The following HS6ST3 variants were observed in gnomAD, a reference collection of about 807,000 sequenced individuals.
HS6ST3 encodes the protein heparan-sulfate 6-O-sulfotransferase 3.
Under a neutral mutation model 36.7 loss-of-function variants are expected in HS6ST3, and 12 were observed. The ratio of observed to expected loss-of-function variants is 0.33; its 90% CI spans 0.21 to 0.53. The LOEUF (loss-of-function observed/expected upper bound fraction) is 0.53, where lower values mean the gene tolerates loss of function less well. Among genes scored for constraint, HS6ST3 ranks in the 20% least tolerant of loss-of-function variants. The probability of loss-of-function intolerance (pLI) is 0.95; values close to 1 mark genes in which losing one functional copy is unlikely to be tolerated. For missense variants in HS6ST3, 584 were observed against 640.9 expected (o/e 0.91, Z 0.96); for synonymous variants, 240 against 257.5 (o/e 0.93, Z 0.65).
intron 1 of HS6ST3, among the ~76,000 whole-genome samples, chr13:96,417,588 ATATG>A (rs2055539901): frequency 2.5e-5 from 2 of 79,956 alleles, no homozygotes; most frequent in African/African-American, 4.8e-5. Flanking sequence ...TAGCATATAT[ATATG>A]TGTGTGTGTG....
chr13:96,370,407 T>A (rs1836191693), intron 1 of HS6ST3, among the ~76,000 whole-genome samples: 1 of 152,150 alleles, frequency 6.6e-6, no homozygotes, highest in Non-Finnish European at 1.5e-5. Flanking sequence ...ATTTTGTATG[T>A]AAAAATTTTT....
chr13:96,633,389 C>G (rs2056538495), intron 1 of HS6ST3, among the ~76,000 whole-genome samples: 1 of 152,066 alleles, frequency 6.6e-6, no homozygotes, highest in Non-Finnish European at 1.5e-5. Context: ...TTCTTGAGCA[C>G]TGATTAAGTG....
chr13:96,305,351 G>A (rs1309715938), intron 1 of HS6ST3, among the ~76,000 whole-genome samples: 1 of 151,758 alleles, frequency 6.6e-6, no homozygotes, highest in Non-Finnish European at 1.5e-5. Context: ...TTCTTTGATA[G>A]GCAATAAAGT....
intron 1 of HS6ST3, among the ~76,000 whole-genome samples, chr13:96,402,110 G>A (rs1434997546): frequency 6.6e-6 from 1 of 152,132 alleles, no homozygotes; most frequent in East Asian, 1.9e-4. Context: ...AGTAGCCGAG[G>A]TTACAGGCAT....
At chr13:96,311,727 A>G (rs1436582048) in intron 1 of HS6ST3, among the ~76,000 whole-genome samples, 1 of 152,166 alleles carries the variant, frequency 6.6e-6, no homozygotes, top group Non-Finnish European at 1.5e-5. Context: ...GTTCGGAGTA[A>G]TTGATTCAGA....
chr13:96,264,214 A>G (rs937859858), intron 1 of HS6ST3, among the ~76,000 whole-genome samples: 1 of 152,244 alleles, frequency 6.6e-6, no homozygotes, highest in Non-Finnish European at 1.5e-5. Flanking sequence ...TTCCATGTTT[A>G]TGCAGGTATC....
intron 1 of HS6ST3, among the ~76,000 whole-genome samples, chr13:96,419,473 TGATA>T (rs1479966852): frequency 3.9e-5 from 6 of 152,186 alleles, no homozygotes; most frequent in Admixed American, 1.3e-4. Context: ...GATGTTTTGA[TGATA>T]GATAGATAAA....
chr13:96,652,637 A>G (rs2056611458), intron 1 of HS6ST3, among the ~76,000 whole-genome samples: 1 of 152,124 alleles, frequency 6.6e-6, no homozygotes, highest in African/African-American at 2.4e-5. Context: ...TTGATTGTAC[A>G]GTGCATCAGA....
intron 1 of HS6ST3, among the ~76,000 whole-genome samples, chr13:96,661,975 G>A (rs1175460398): frequency 2.0e-5 from 3 of 152,056 alleles, no homozygotes; most frequent in Admixed American, 1.3e-4. Context: ...TTTTATGACT[G>A]GTGGTATTTC....
At chr13:96,608,988 GA>G (rs1244756672) in intron 1 of HS6ST3, among the ~76,000 whole-genome samples, 2 of 151,688 alleles carry the variant, frequency 1.3e-5, no homozygotes, top group African/African-American at 4.8e-5. Context: ...TATTTATTTT[GA>G]GGCAGAGTCT....
At chr13:96,431,581 G>A (rs1178990173) in intron 1 of HS6ST3, among the ~76,000 whole-genome samples, 1 of 152,192 alleles carries the variant, frequency 6.6e-6, no homozygotes, top group East Asian at 1.9e-4. Context: ...AATGCCATGT[G>A]TTAGACTTCT....
At chr13:96,443,010 T>C (rs1264466515) in intron 1 of HS6ST3, among the ~76,000 whole-genome samples, 1 of 151,850 alleles carries the variant, frequency 6.6e-6, no homozygotes, top group Non-Finnish European at 1.5e-5. Context: ...AGGTAAAAAA[T>C]GGATAATTCT....
chr13:96,438,724 C>T (rs2055654999), intron 1 of HS6ST3, among the ~76,000 whole-genome samples: 2 of 152,174 alleles, frequency 1.3e-5, no homozygotes, highest in South Asian at 4.1e-4. Context: ...GAGAAATTGT[C>T]TACAAGGCCA....
chr13:96,314,883 A>G (rs2054960402), intron 1 of HS6ST3, among the ~76,000 whole-genome samples: 1 of 152,176 alleles, frequency 6.6e-6, no homozygotes, highest in Non-Finnish European at 1.5e-5. Context: ...ACATGTATAC[A>G]TTTTCATATA....
chr13:96,531,630 C>T (rs1001631473), intron 1 of HS6ST3, among the ~76,000 whole-genome samples: 2 of 152,158 alleles, frequency 1.3e-5, no homozygotes, highest in Non-Finnish European at 2.9e-5. Flanking sequence ...TCTTCATTTC[C>T]TCACCTGTGA....
intron 1 of HS6ST3, among the ~76,000 whole-genome samples, chr13:96,309,672 G>T (rs1253980157): frequency 6.6e-6 from 1 of 152,122 alleles, no homozygotes; most frequent in Admixed American, 6.6e-5. Context: ...TTTAATGACT[G>T]AGTAGTTGTT....
chr13:96,643,295 T>C (rs774786670), intron 1 of HS6ST3, among the ~76,000 whole-genome samples: 5 of 151,858 alleles, frequency 3.3e-5, no homozygotes, highest in Admixed American at 6.6e-5. Flanking sequence ...TTAGTCTTCA[T>C]TTTTTTACTC....
At chr13:96,598,905 T>C (rs745570125) in intron 1 of HS6ST3, among the ~76,000 whole-genome samples, 1 of 152,092 alleles carries the variant, frequency 6.6e-6, no homozygotes, top group Non-Finnish European at 1.5e-5. Context: ...TTTATCAATA[T>C]TTTTCTTCCT....
intron 1 of HS6ST3, among the ~76,000 whole-genome samples, chr13:96,566,254 G>A (rs1566398684): frequency 6.6e-6 from 1 of 152,008 alleles, no homozygotes; most frequent in Non-Finnish European, 1.5e-5. Flanking sequence ...GTTGCAGAGA[G>A]AATAGAGAGA....
Sources: gnomAD v4.1 joint callset for allele counts (sites outside exome capture counted in the v4.1 genomes callset) on GRCh38, gnomAD v4.1.1 for gene constraint, MANE v1.5 for transcripts, NCBI Gene and HGNC (gene_info 2026-07-23, HGNC 2026-07-21) for gene names.